The following WWOX variants were observed in gnomAD, a reference collection of about 807,000 sequenced individuals.
WWOX encodes the protein WW domain-containing oxidoreductase.
Under a neutral mutation model 46.2 loss-of-function variants are expected in WWOX, and 69 were observed. The observed-to-expected ratio is 1.49, with a 90% confidence interval of 1.23 to 1.82. The LOEUF (loss-of-function observed/expected upper bound fraction) is 1.82. Ranked by LOEUF, WWOX falls within the 40% of genes most tolerant of loss-of-function variation. The probability of loss-of-function intolerance (pLI) is 0.00; values close to 1 mark genes in which losing one functional copy is unlikely to be tolerated. For missense variants in WWOX, 919 were observed against 542.6 expected, an observed-to-expected ratio of 1.69 and a Z score of -6.89; for synonymous variants, 359 against 202.6, an observed-to-expected ratio of 1.77 and a Z score of -6.56.
chr16:79,007,562 C>T (rs1260314978), intron 8 of WWOX, among the ~76,000 whole-genome samples: 1 of 152,232 alleles, frequency 6.6e-6, no homozygotes, highest in Non-Finnish European at 1.5e-5. Flanking sequence ...ACCGAATCCC[C>T]ACTACATAGG....
intron 8 of WWOX, among the ~76,000 whole-genome samples, chr16:79,007,661 G>T (rs2047216638): frequency 6.6e-6 from 1 of 152,218 alleles, no homozygotes; most frequent in Non-Finnish European, 1.5e-5. Context: ...GAGTTATAAG[G>T]AAAGCACTGT....
At chr16:78,208,658 C>T (rs906784321) in intron 5 of WWOX, among the ~76,000 whole-genome samples, 7 of 152,188 alleles carry the variant, frequency 4.6e-5, no homozygotes, top group Non-Finnish European at 1.5e-5. Flanking sequence ...GCATAACACA[C>T]TCCATTTACT....
At chr16:78,717,559 G>A (rs79394233) in intron 8 of WWOX, among the ~76,000 whole-genome samples, 2,242 of 152,254 alleles carry the variant, frequency 0.015, 49 homozygotes, top group African/African-American at 0.051. Context: ...TTTGATGGTG[G>A]ACAAAGAAGG....
chr16:78,176,897 G>A (rs1011966336), intron 5 of WWOX, among the ~76,000 whole-genome samples: 1 of 152,202 alleles, frequency 6.6e-6, no homozygotes, highest in African/African-American at 2.4e-5. Flanking sequence ...GTGTTTCATT[G>A]ATTAAACTTT....
chr16:78,814,026 T>A (rs1014090028), intron 8 of WWOX, among the ~76,000 whole-genome samples: 25 of 152,218 alleles, frequency 1.6e-4, no homozygotes, highest in Admixed American at 3.9e-4. Flanking sequence ...TTAGGAGTTT[T>A]CTTTTCTTTC....
intron 2 of WWOX, among the ~76,000 whole-genome samples, chr16:78,109,156 A>G (rs572634016): frequency 1.3e-5 from 2 of 152,330 alleles, no homozygotes; most frequent in Non-Finnish European, 2.9e-5. Flanking sequence ...CATGACTTCT[A>G]GGTGATTCTG....
chr16:78,563,936 G>A (rs1475053305), intron 8 of WWOX, among the ~76,000 whole-genome samples: 2 of 152,156 alleles, frequency 1.3e-5, no homozygotes, highest in African/African-American at 2.4e-5. Flanking sequence ...TTGGAAACAC[G>A]GCACAAGCAA....
Position 78,511,416 on chromosome 16 carries a change from A to C in WWOX, c.1056+78664A>C, listed in dbSNP as rs79527719. ...TCCAGCTGAAAACAAAAAGGGAACAAGATGACATTTTGCAATCCCATGCAC... is the reference window on the plus strand; with the variant it reads ...TCCAGCTGAAAACAAAAAGGGAACACGATGACATTTTGCAATCCCATGCAC... On this transcript the variant is annotated intron_variant, in intron 8 of 8. Coordinates refer to ENST00000566780, the MANE Select transcript of WWOX (RefSeq NM_016373.4). 1.4e-4 allele frequency among the ~76,000 whole-genome samples: 21 copies of C among 152,344 alleles called. No homozygotes were observed. The East Asian group carries it at 3.3e-3, about 24-fold the overall frequency.
At chr16:78,905,055 G>T (rs754779930) in intron 8 of WWOX, among the ~76,000 whole-genome samples, 3 of 152,076 alleles carry the variant, frequency 2.0e-5, no homozygotes, top group African/African-American at 4.8e-5. Context: ...CTTTCAGCTA[G>T]AAATGTGAGT....
chr16:78,858,001 T>C (rs1363794868), intron 8 of WWOX, among the ~76,000 whole-genome samples: 2 of 152,202 alleles, frequency 1.3e-5, no homozygotes, highest in African/African-American at 4.8e-5. Context: ...ATTTATTTAG[T>C]TATTTGACCT....
At chr16:78,869,224 C>T (rs545710153) in intron 8 of WWOX, among the ~76,000 whole-genome samples, 2 of 152,078 alleles carry the variant, frequency 1.3e-5, no homozygotes, top group African/African-American at 2.4e-5. Flanking sequence ...GGGTCCAAGC[C>T]TCCCTGAAGC....
chr16:79,092,634 C>G (rs770422976), intron 8 of WWOX, among the ~76,000 whole-genome samples: 1 of 152,090 alleles, frequency 6.6e-6, no homozygotes, highest in Non-Finnish European at 1.5e-5. Context: ...ACCCCTTTTT[C>G]CAGTAAAAGT....
intron 8 of WWOX, among the ~76,000 whole-genome samples, chr16:78,816,540 T>A (rs2051335788): frequency 2.8e-5 from 3 of 107,876 alleles, no homozygotes; most frequent in African/African-American, 7.4e-5. Context: ...TTTGATACAA[T>A]GAGGGGAAAT....
intron 8 of WWOX, among the ~76,000 whole-genome samples, chr16:78,968,697 C>T (rs577116239): frequency 2.0e-5 from 3 of 152,168 alleles, no homozygotes; most frequent in African/African-American, 7.2e-5. Context: ...TCTTTTCTTT[C>T]TTCTTCCTCT....
At chr16:78,663,451 A>G (rs958192004) in intron 8 of WWOX, among the ~76,000 whole-genome samples, 17 of 152,170 alleles carry the variant, frequency 1.1e-4, no homozygotes, top group African/African-American at 4.1e-4. Flanking sequence ...CTTTCTGGCT[A>G]TTATGAATAA....
At chr16:78,828,846 T>G (rs1265775362) in intron 8 of WWOX, among the ~76,000 whole-genome samples, 6 of 152,208 alleles carry the variant, frequency 3.9e-5, no homozygotes, top group Admixed American at 2.6e-4. Context: ...CCACTGTCTT[T>G]TGAGCAGCAT....
intron 8 of WWOX, among the ~76,000 whole-genome samples, chr16:78,902,731 G>A (rs534274890): frequency 6.6e-6 from 1 of 152,316 alleles, no homozygotes; most frequent in Non-Finnish European, 1.5e-5. Context: ...GTCTTTTGTT[G>A]GTGGAAATCC....
rs188312325 is a variant in WWOX at position 78,664,379 on chromosome 16, C to T, written c.1056+231627C>T. 2.7e-4 allele frequency among the ~76,000 whole-genome samples: 41 copies of T among 152,272 alleles called. No homozygotes were observed. In the East Asian group the frequency reaches 6.6e-3, roughly 24 times the overall value. On this transcript the variant is annotated intron_variant, in intron 8 of 8. Transcript: ENST00000566780. ...GTGAGTGATGTGGAATGACTGCCCA[C>T]GTAGGAAGTGGCAGGTTGGAGAAAA...
intron 5 of WWOX, among the ~76,000 whole-genome samples, chr16:78,275,642 G>C (rs2079563226): frequency 6.6e-6 from 1 of 152,226 alleles, no homozygotes; most frequent in Admixed American, 6.5e-5. Context: ...AATCCCATGA[G>C]TCACGTGTTC....
Sources: allele counts gnomAD v4.1 joint callset (sites outside exome capture counted in the v4.1 genomes callset), GRCh38; gene constraint gnomAD v4.1.1; transcripts MANE v1.5; gene names NCBI Gene and HGNC (gene_info 2026-07-23, HGNC 2026-07-21).